PGS1: variants seen among roughly 807,000 people sequenced by gnomAD.
PGS1 encodes the protein phosphatidylglycerophosphate synthase 1, also known as CDP-diacylglycerol--glycerol-3-phosphate 3-phosphatidyltransferase, mitochondrial.
Under a neutral mutation model 58.3 loss-of-function variants are expected in PGS1, and 44 were observed. The ratio of observed to expected loss-of-function variants is 0.75; its 90% CI spans 0.59 to 0.97. PGS1 has a LOEUF of 0.97. Among genes scored for constraint, PGS1 ranks in the 50% least tolerant of loss-of-function variants. The pLI is 0.00. For missense variants in PGS1, 684 were observed against 731.1 expected (o/e 0.94, Z 0.74); for synonymous variants, 330 against 311.0 (o/e 1.06, Z -0.64).
In PGS1 at chr17:78,400,667, C is replaced by T. The variant is rs773706442; in HGVS notation, c.702-10C>T. On this transcript the variant is annotated splice_polypyrimidine_tract_variant and intron_variant, in intron 5 of 9. Coordinates refer to ENST00000262764, the MANE Select transcript of PGS1 (RefSeq NM_024419.5). This position sits in a 1 kb window ranked among gnomAD's most constrained non-coding sequence, Gnocchi z 4.4. ...TGAGTCCTCCTCACCTGCATCTTCC[C>T]TCCCTGTAGTGCAAACCTGAGTGAC... 2 of 1,613,398 alleles carry T rather than the reference C, an allele frequency of 1.2e-6. No homozygotes were observed. Among genetic ancestry groups the T allele is most frequent in the Non-Finnish European group, 1.7e-6 (2 of 1,179,624 alleles).
chr17:78,424,635 AAAATAAACAAACATGGAG>A lies in PGS1; in HGVS notation c.*587_*604del, dbSNP rs1430334030. On this transcript the variant is annotated 3_prime_UTR_variant, in exon 10 of 10. Coordinates refer to ENST00000262764, the MANE Select transcript of PGS1 (RefSeq NM_024419.5). ...GTTTTTATTTCCTGTCTGAAATCTC[AAAATAAACAAACATGGAG>A]AGCTTATCTTTGGTTGTGTGGGAAA... 1.3e-5 allele frequency: 2 copies of A among 155,550 alleles called. No individual in the cohort carries two copies. Among genetic ancestry groups the A allele is most frequent in the African/African-American group, 4.8e-5 (2 of 41,428 alleles). The allele number at this position is 155,550 out of a possible 1,614,324, so 9.6% of individuals were successfully genotyped here.
chr17:78,384,119 C>T (rs1460513816), intron 1 of PGS1, among the ~76,000 whole-genome samples: 1 of 152,222 alleles, frequency 6.6e-6, no homozygotes, highest in Non-Finnish European at 1.5e-5. Context: ...TTTTGGATTT[C>T]TGGCCCCCAA....
chr17:78,418,167 T>C (rs900144083), intron 8 of PGS1, among the ~76,000 whole-genome samples: 1 of 152,024 alleles, frequency 6.6e-6, no homozygotes, highest in African/African-American at 2.4e-5. Flanking sequence ...TGACCTCAAG[T>C]GATCCTCCCA....
intron 1 of PGS1, 120 bp downstream of exon 1, chr17:78,378,928 G>A: frequency 9.3e-7 from 1 of 1,079,424 alleles, no homozygotes; most frequent in Non-Finnish European, 1.2e-6. Flanking sequence ...CGGTTTCCGG[G>A]CCCATTTCTG....
intron 7 of PGS1, among the ~76,000 whole-genome samples, chr17:78,413,736 G>A (rs750913906): frequency 6.6e-6 from 1 of 152,220 alleles, no homozygotes; most frequent in African/African-American, 2.4e-5. Context: ...GGGATGCTAG[G>A]TCTTGGTAAC....
At chr17:78,397,100 A>G (rs1041797656) in intron 3 of PGS1, among the ~76,000 whole-genome samples, 1 of 152,192 alleles carries the variant, frequency 6.6e-6, no homozygotes, top group African/African-American at 2.4e-5. Context: ...CTGTTGTGCC[A>G]CACTTGTCAC....
Position 78,392,669 on chromosome 17 carries a change from A to AGTG in PGS1, c.333+7_333+9dup. The AGTG allele has an allele frequency of 6.2e-7, 1 of 1,612,904 alleles. No individual in the cohort carries two copies. Among genetic ancestry groups the AGTG allele is most frequent in the Non-Finnish European group, 8.5e-7 (1 of 1,179,248 alleles). The stretch of plus-strand genomic sequence containing the variant: ...AGAGTTTTTCGAGCTCATGAAGGTA[A>AGTG]GTGGTATCTAAAGGAAAGAAGTTTG... On this transcript the variant is annotated splice_donor_region_variant and intron_variant, in intron 2 of 9. Coordinates refer to ENST00000262764, the MANE Select transcript of PGS1 (RefSeq NM_024419.5).
chr17:78,413,070 G>A (rs774555573), intron 7 of PGS1, among the ~76,000 whole-genome samples: 8 of 152,246 alleles, frequency 5.3e-5, no homozygotes, highest in Non-Finnish European at 1.2e-4. Context: ...GCCCACACCT[G>A]TGGTCCTGTG....
intron 9 of PGS1, among the ~76,000 whole-genome samples, chr17:78,423,054 C>T (rs1171858039): frequency 1.3e-5 from 2 of 150,920 alleles, no homozygotes; most frequent in African/African-American, 4.9e-5. Context: ...GCCGAGATTG[C>T]GTCATTGCAC....
rs186931902 is a variant in PGS1 at position 78,387,237 on chromosome 17, C to T, written c.144-5239C>T. 2.7e-3 allele frequency among the ~76,000 whole-genome samples: 410 copies of T among 151,820 alleles called. 1 individual carries two copies. Among genetic ancestry groups the T allele is most frequent in the Non-Finnish European group, 1.3e-3 (91 of 67,990 alleles). ...TAGGCTGGTCTCGATCTCCTGGCCTCAGGTGATCTGACTGTGCAGGCCTAC... is the reference window on the plus strand; with the variant it reads ...TAGGCTGGTCTCGATCTCCTGGCCTTAGGTGATCTGACTGTGCAGGCCTAC... On this transcript the variant is annotated intron_variant, in intron 1 of 9. Transcript: ENST00000262764.
At chr17:78,417,615 G>C (rs1326074329) in intron 8 of PGS1, among the ~76,000 whole-genome samples, 1 of 152,094 alleles carries the variant, frequency 6.6e-6, no homozygotes, top group African/African-American at 2.4e-5. Context: ...CCTCCCTCCC[G>C]GCCTCCTGAG....
rs549002381 is a variant in PGS1, at chr17:78,404,098, C to T, written c.1402+9C>T. 2.6e-5 allele frequency: 40 copies of T among 1,520,762 alleles called. No individual in the cohort carries two copies. Among genetic ancestry groups the T allele is most frequent in the South Asian group, 6.1e-5 (5 of 81,328 alleles). The allele number at this position is 1,520,762 out of a possible 1,614,324, so 94.2% of individuals were successfully genotyped here. A position where few individuals can be genotyped will look rare whatever the true frequency, so the allele number is the denominator to read the frequency against. The stretch of plus-strand genomic sequence containing the variant: ...GACGTTCCACGCCAAAGGTGCGCAG[C>T]GGCTGGCTGGAGGACGTTCCAGTGT... On this transcript the variant is annotated intron_variant, in intron 7 of 9. Transcript: ENST00000262764.
intron 6 of PGS1, among the ~76,000 whole-genome samples, chr17:78,403,222 G>T (rs893425865): frequency 6.6e-6 from 1 of 151,430 alleles, no homozygotes; most frequent in African/African-American, 2.4e-5. Flanking sequence ...CCCCCCGTAT[G>T]TCCCCCCCAA....
chr17:78,394,625 G>A (rs943607002), intron 2 of PGS1, among the ~76,000 whole-genome samples: 7 of 151,176 alleles, frequency 4.6e-5, no homozygotes, highest in Admixed American at 2.6e-4. Flanking sequence ...GCACGATCTC[G>A]GCTCATCACA....
At position 78,378,674 on chromosome 17, in the gene PGS1, G is replaced by A; in HGVS notation, c.9G>A (p.Val3=). The change falls in exon 1 of 10, where the codon GTG becomes GTA. Residue 3 remains valine (V), a synonymous_variant. Coordinates refer to ENST00000262764, the MANE Select transcript of PGS1 (RefSeq NM_024419.5). MA[V]AAAAAAGPVF... is the part of the protein sequence containing the mutation. The stretch of plus-strand genomic sequence containing the variant: ...GGAAGCGGCGAGTCTCCATGGCGGT[G>A]GCGGCGGCAGCTGCGGCGGGACCCG... 2.0e-6 allele frequency: 3 copies of A among 1,533,978 alleles called. No individual in the cohort carries two copies. The highest frequency in any genetic ancestry group is 2.6e-6 in the Non-Finnish European group (3 of 1,147,630).
intron 7 of PGS1, among the ~76,000 whole-genome samples, chr17:78,412,812 G>A (rs1198146472): frequency 6.6e-6 from 1 of 152,254 alleles, no homozygotes; most frequent in Admixed American, 6.5e-5. Flanking sequence ...CAGACCCACT[G>A]TTTTAAGAGG....
At chr17:78,410,496 C>T (rs1300634058) in intron 7 of PGS1, among the ~76,000 whole-genome samples, 2 of 89,350 alleles carry the variant, frequency 2.2e-5, no homozygotes, top group African/African-American at 4.3e-5. Context: ...TTTTTTGGGA[C>T]GGAGTCTTGC....
chr17:78,385,289 T>C (rs1387540230), intron 1 of PGS1, among the ~76,000 whole-genome samples: 3 of 150,880 alleles, frequency 2.0e-5, no homozygotes, highest in East Asian at 3.9e-4. Context: ...CGGCTAATTT[T>C]TGTATTTTTT....
intron 1 of PGS1, chr17:78,382,528 C>G (rs2082100699): frequency 2.6e-5 from 4 of 151,164 alleles, no homozygotes; most frequent in Admixed American, 2.6e-4. Flanking sequence ...CCAGGTTCCT[C>G]TAGGTGATGT....
Sources: gnomAD v4.1 joint callset for allele counts (sites outside exome capture counted in the v4.1 genomes callset) on GRCh38, gnomAD v4.1.1 for gene constraint, Gnocchi (gnomAD v3.1) non-coding constraint, MANE v1.5 for transcripts, NCBI Gene and HGNC (gene_info 2026-07-23, HGNC 2026-07-21) for gene names.